The following TTLL5 variants were observed in gnomAD, a reference collection of about 807,000 sequenced individuals.
TTLL5 encodes tubulin polyglutamylase TTLL5.
TTLL5 carries 132 observed loss-of-function variants against 168.4 expected under a neutral mutation model. That is an observed-to-expected ratio of 0.78 (90% CI 0.68 to 0.91). The LOEUF (loss-of-function observed/expected upper bound fraction) is 0.91. TTLL5 is among the 40% of genes least tolerant of loss of function. The pLI, the probability that TTLL5 is intolerant of heterozygous loss-of-function variation, is 0.00. For synonymous variants in TTLL5, 546 were observed against 558.6 expected, an observed-to-expected ratio of 0.98 and a Z score of 0.32; for missense variants, 1,545 against 1,581.5, an observed-to-expected ratio of 0.98 and a Z score of 0.39.
intron 31 of TTLL5, among the ~76,000 whole-genome samples, chr14:75,944,099 T>C (rs2034695575): frequency 6.6e-6 from 1 of 152,202 alleles, no homozygotes; most frequent in African/African-American, 2.4e-5. Flanking sequence ...GCTCTAAAAC[T>C]TGCCTTGGTC....
chr14:75,886,631 A>G (rs766504580), intron 30 of TTLL5: 80 of 1,537,660 alleles, frequency 5.2e-5, no homozygotes, highest in Non-Finnish European at 6.4e-5. Flanking sequence ...TTTTTTTTTT[A>G]CCATTTTCCT....
At chr14:75,749,862 T>G (rs1889841086) in intron 17 of TTLL5, among the ~76,000 whole-genome samples, 1 of 152,132 alleles carries the variant, frequency 6.6e-6, no homozygotes, top group Admixed American at 6.6e-5. Context: ...AAATAAATAT[T>G]AGGTGGGCTC....
At chr14:75,775,332 TTATACC>T in intron 21 of TTLL5, 146 bp from the exon 22 acceptor site, 1 of 857,896 alleles carries the variant, frequency 1.2e-6, no homozygotes, top group Admixed American at 2.4e-5. Context: ...TGTATGCTTC[TTATACC>T]TAACCTTTTT....
chr14:75,934,712 G>GA (rs1315615594), intron 31 of TTLL5, among the ~76,000 whole-genome samples: 4 of 151,796 alleles, frequency 2.6e-5, no homozygotes, highest in African/African-American at 7.3e-5. Context: ...TATGGAAAGT[G>GA]AAAAAAAATT....
chr14:75,868,996 G>A (rs1357181102), intron 29 of TTLL5, among the ~76,000 whole-genome samples: 1 of 149,048 alleles, frequency 6.7e-6, no homozygotes, highest in Non-Finnish European at 1.5e-5. Flanking sequence ...GTTGGACTGG[G>A]GACATGAGAG....
intron 26 of TTLL5, among the ~76,000 whole-genome samples, chr14:75,790,977 G>T (rs1892672309): frequency 6.7e-6 from 1 of 150,154 alleles, no homozygotes; most frequent in African/African-American, 2.4e-5. Context: ...CTGGTGGCGG[G>T]TGCCTGTAGT....
In TTLL5 at chr14:75,930,712, A is replaced by G. The variant is rs570937459; in HGVS notation, c.3824-23712A>G. On this transcript the variant is annotated intron_variant, in intron 31 of 31. Coordinates refer to ENST00000298832, the MANE Select transcript of TTLL5 (RefSeq NM_015072.5). ...GAAAGCACTTTTATGGTTCTGAGAG[A>G]AAGAAGCGATTTCACCTGGTATAAA... The G allele has an allele frequency of 7.7e-6, 7 of 904,992 alleles. No individual in the cohort carries two copies. In the East Asian group the frequency reaches 8.3e-4, roughly 108 times the overall value. 56.1% of individuals were successfully genotyped at this position (904,992 alleles called of 1,614,324 possible).
chr14:75,826,521 A>G (rs1007071002), intron 28 of TTLL5, among the ~76,000 whole-genome samples: 24 of 152,178 alleles, frequency 1.6e-4, no homozygotes, highest in African/African-American at 4.8e-4. Flanking sequence ...CTGGTCAAAT[A>G]ATTTTTTTAT....
chr14:75,771,932 T>C, intron 21 of TTLL5, 78 bp downstream of exon 21: 2 of 1,488,548 alleles, frequency 1.3e-6, no homozygotes, highest in Non-Finnish European at 1.8e-6. Context: ...TTTTTCCTAT[T>C]AGGGTAAAGT....
chr14:75,716,522 G>A (rs1887472940), intron 9 of TTLL5, among the ~76,000 whole-genome samples: 1 of 152,128 alleles, frequency 6.6e-6, no homozygotes, highest in South Asian at 2.1e-4. Flanking sequence ...TTAATGTGGT[G>A]AAAATTCATG....
At chr14:75,887,130 T>A (rs1356023426) in intron 30 of TTLL5, 2 of 1,060,824 alleles carry the variant, frequency 1.9e-6, no homozygotes, top group Non-Finnish European at 1.1e-6. Flanking sequence ...GACAGTGGTG[T>A]CTGTTAAGGC....
In TTLL5 at chr14:75,854,625, C is replaced by T. The variant is rs183633666; in HGVS notation, c.3327-9042C>T. On this transcript the variant is annotated intron_variant, in intron 28 of 31. Coordinates refer to ENST00000298832, the MANE Select transcript of TTLL5 (RefSeq NM_015072.5). ...AAACGATTGCATCATTTTACACCCC[C>T]GTCAGCAATGTATGAAAGTTCTAGT... Among the ~76,000 whole-genome samples, 12 of 152,288 alleles carry T rather than the reference C, an allele frequency of 7.9e-5. No individual in the cohort carries two copies. The South Asian group carries it at 1.9e-3, about 24-fold the overall frequency.
At chr14:75,776,353 G>A (rs1479802024) in intron 22 of TTLL5, among the ~76,000 whole-genome samples, 1 of 152,154 alleles carries the variant, frequency 6.6e-6, no homozygotes, top group South Asian at 2.1e-4. Context: ...GCTGGTATAA[G>A]AGTACCTTCC....
chr14:75,941,843 C>CT (rs71122506), intron 31 of TTLL5, among the ~76,000 whole-genome samples: 3,119 of 69,376 alleles, frequency 0.045, 117 homozygotes, highest in Non-Finnish European at 0.062. Flanking sequence ...TCATGATGAA[C>CT]TTTTTTTTTT....
intron 31 of TTLL5, among the ~76,000 whole-genome samples, 164 bp from the exon 32 acceptor site, chr14:75,954,252 CAAAAAAAA>C (rs56396876): frequency 4.0e-5 from 3 of 74,518 alleles, no homozygotes; most frequent in Admixed American, 1.6e-4. Context: ...GACTCCATCT[CAAAAAAAA>C]AAAAAAAAAA....
At chr14:75,679,159 A>C (rs1008962801) in intron 3 of TTLL5, among the ~76,000 whole-genome samples, 1 of 152,230 alleles carries the variant, frequency 6.6e-6, no homozygotes, top group African/African-American at 2.4e-5. Context: ...TTTAGATGGA[A>C]TTAAAGTTGC....
intron 2 of TTLL5, among the ~76,000 whole-genome samples, chr14:75,664,428 G>C (rs1445906407): frequency 6.6e-6 from 1 of 152,168 alleles, no homozygotes; most frequent in Non-Finnish European, 1.5e-5. Context: ...CTGAAAAATA[G>C]AGATAATATC....
rs760304490 is a variant in TTLL5, at chr14:75,920,425, G to A, written c.3823+18201G>A. Among the ~76,000 whole-genome samples the A allele has an allele frequency of 4.9e-4, 75 of 152,102 alleles. 1 individual carries two copies. Among genetic ancestry groups the A allele is most frequent in the East Asian group, 1.2e-3 (6 of 5,172 alleles). On this transcript the variant is annotated intron_variant, in intron 31 of 31. Transcript: ENST00000298832. ...CCCACCCCTCGACAGGCCCTGGTGT[G>A]TGATGTTCCCCTCGACCCCTGTGTC...
intron 15 of TTLL5, among the ~76,000 whole-genome samples, chr14:75,743,575 CTT>C (rs33959405): frequency 1.6e-5 from 1 of 63,098 alleles, no homozygotes; most frequent in Non-Finnish European, 2.6e-5. Flanking sequence ...TGGCATCGCT[CTT>C]TTTTTTTTTT....
Sources: gnomAD v4.1 joint callset for allele counts (sites outside exome capture counted in the v4.1 genomes callset) on GRCh38, gnomAD v4.1.1 for gene constraint, MANE v1.5 for transcripts, NCBI Gene and HGNC (gene_info 2026-07-23, HGNC 2026-07-21) for gene names.